Variants in KLF8 observed in about 807,000 individuals in gnomAD.
The protein encoded by KLF8 is Krueppel-like factor 8.
In KLF8, 10 loss-of-function variants were observed where a neutral mutation model predicts 18.2. That is an observed-to-expected ratio of 0.55 (90% CI 0.34 to 0.93). KLF8 has a LOEUF of 0.93. KLF8 is among the 40% of genes least tolerant of loss of function. The probability of loss-of-function intolerance (pLI) is 0.02; values close to 1 mark genes in which losing one functional copy is unlikely to be tolerated. For synonymous variants in KLF8, 109 were observed against 97.3 expected, an observed-to-expected ratio of 1.12 and a Z score of -0.71; for missense variants, 264 against 277.9, an observed-to-expected ratio of 0.95 and a Z score of 0.36.
intron 5 of KLF8, among the ~76,000 whole-genome samples, chrX:56,283,169 G>C (rs1439278394): frequency 9.1e-6 from 1 of 110,396 alleles, no homozygotes; most frequent in Non-Finnish European, 1.9e-5. Context: ...TTTCTATCTT[G>C]AGCATACATA....
At chrX:56,037,487 A>T in the KLF8 span, among the ~76,000 whole-genome samples, 1 of 111,425 alleles carries the variant, frequency 9.0e-6, no homozygotes, top group Non-Finnish European at 1.9e-5. Flanking sequence ...AGAATAATTG[A>T]TATTAATTTT....
At chrX:56,161,432 C>A in the KLF8 span, among the ~76,000 whole-genome samples, 9 of 112,016 alleles carry the variant, frequency 8.0e-5, no homozygotes, top group Admixed American at 3.8e-4. Flanking sequence ...GGTCTTTTCA[C>A]ATAGTCCCAT....
intron 4 of KLF8, among the ~76,000 whole-genome samples, chrX:56,269,729 T>A (rs1482282701): frequency 1.8e-5 from 2 of 112,626 alleles, no homozygotes; most frequent in East Asian, 5.5e-4. Context: ...ATTTTTCTTT[T>A]GAAAAATCTT....
chrX:56,109,410 A>AAT, the KLF8 span, among the ~76,000 whole-genome samples: 1 of 109,917 alleles, frequency 9.1e-6, no homozygotes, highest in African/African-American at 3.3e-5. Flanking sequence ...AAAAAAAAAA[A>AAT]GATCGATTCT....
chrX:56,144,885 C>T, the KLF8 span, among the ~76,000 whole-genome samples: 11 of 108,097 alleles, frequency 1.0e-4, no homozygotes, highest in African/African-American at 3.0e-4. Flanking sequence ...CTCTGCCTCC[C>T]GGGATCAAGC....
chrX:55,993,708 T>C, the KLF8 span, among the ~76,000 whole-genome samples: 2 of 111,296 alleles, frequency 1.8e-5, no homozygotes, highest in Non-Finnish European at 3.8e-5. Flanking sequence ...TGTAGTAAAA[T>C]ATGGCTGTGG....
chrX:56,154,604 G>A, the KLF8 span, among the ~76,000 whole-genome samples: 3 of 112,100 alleles, frequency 2.7e-5, no homozygotes, highest in African/African-American at 9.7e-5. Context: ...ATTGACAAAT[G>A]GGATCTAATT....
chrX:55,998,378 CTAT>C, the KLF8 span, among the ~76,000 whole-genome samples: 1 of 112,152 alleles, frequency 8.9e-6, no homozygotes, highest in African/African-American at 3.2e-5. Context: ...ATATTTCAGA[CTAT>C]TACATGGGGA....
chrX:56,087,752 C>A, the KLF8 span, among the ~76,000 whole-genome samples: 2 of 111,875 alleles, frequency 1.8e-5, no homozygotes, highest in Non-Finnish European at 3.8e-5. Flanking sequence ...TTAGAGTTTT[C>A]AGGCCTCTTT....
chrX:56,290,995 T>C lies in KLF8; in HGVS notation c.*6501T>C, dbSNP rs2067317184. On this transcript the variant is annotated 3_prime_UTR_variant, in exon 6 of 6. Transcript: ENST00000468660. Reference sequence around the variant, plus strand: ...TTTATAACTATGCTGTATGCCATGCTGTTTTCATTGTATCACAGAATTAAA... The same window carrying C: ...TTTATAACTATGCTGTATGCCATGCCGTTTTCATTGTATCACAGAATTAAA... Among the ~76,000 whole-genome samples, 1 of 111,347 alleles carries C rather than the reference T, an allele frequency of 9.0e-6. No homozygotes were observed. Among genetic ancestry groups the C allele is most frequent in the African/African-American group, 3.3e-5 (1 of 30,673 alleles).
intron 1 of KLF8, among the ~76,000 whole-genome samples, chrX:56,235,137 A>G (rs746757364): frequency 9.0e-6 from 1 of 110,691 alleles, no homozygotes; most frequent in South Asian, 3.9e-4. Flanking sequence ...GTGAATTCCA[A>G]TAACCAAAGT....
the KLF8 span, among the ~76,000 whole-genome samples, chrX:56,217,674 T>C: frequency 9.0e-6 from 1 of 111,592 alleles, no homozygotes; most frequent in East Asian, 2.8e-4. Context: ...CTGCCTTGGC[T>C]TCCCAAAGTG....
At chrX:56,058,289 T>TATATATAC in the KLF8 span, among the ~76,000 whole-genome samples, 2 of 25,253 alleles carry the variant, frequency 7.9e-5, no homozygotes, top group Non-Finnish European at 1.2e-4. Context: ...CATATATATA[T>TATATATAC]ATATATATAT....
the KLF8 span, among the ~76,000 whole-genome samples, chrX:56,021,240 A>G: frequency 8.9e-6 from 1 of 112,013 alleles, no homozygotes; most frequent in Non-Finnish European, 1.9e-5. Context: ...CATGCAACTT[A>G]ATGATTTTGA....
At chrX:55,924,369 G>A in the KLF8 span, among the ~76,000 whole-genome samples, 1 of 111,744 alleles carries the variant, frequency 8.9e-6, no homozygotes, top group South Asian at 3.7e-4. Flanking sequence ...GAGCCACTGC[G>A]CCCGGCCCTG....
At chrX:56,107,543 C>T in the KLF8 span, among the ~76,000 whole-genome samples, 4 of 111,942 alleles carry the variant, frequency 3.6e-5, no homozygotes, top group Non-Finnish European at 5.6e-5. Flanking sequence ...TGGAGAGAAT[C>T]GCCTGATCTG....
the KLF8 span, among the ~76,000 whole-genome samples, chrX:55,921,527 C>G: frequency 5.4e-5 from 6 of 111,606 alleles, no homozygotes; most frequent in African/African-American, 2.0e-4. Context: ...AGAAGAAAAT[C>G]TAGGCAATAC....
At chrX:56,217,002 C>T in the KLF8 span, among the ~76,000 whole-genome samples, 1 of 111,801 alleles carries the variant, frequency 8.9e-6, no homozygotes, top group African/African-American at 3.3e-5. Context: ...ATGTGCCAAA[C>T]AGATGTCTGT....
At chrX:56,185,915 A>G in the KLF8 span, among the ~76,000 whole-genome samples, 9 of 112,295 alleles carry the variant, frequency 8.0e-5, no homozygotes, top group South Asian at 2.6e-3. Flanking sequence ...AGCCACTGCA[A>G]AAACATGCCA....
Sources: gnomAD v4.1 joint callset for allele counts (sites outside exome capture counted in the v4.1 genomes callset) on GRCh38, gnomAD v4.1.1 for gene constraint, MANE v1.5 for transcripts, NCBI Gene and HGNC (gene_info 2026-07-23, HGNC 2026-07-21) for gene names.